ZNF680: variants seen among roughly 807,000 people sequenced by gnomAD.
ZNF680 encodes the protein zinc finger protein 680.
A neutral mutation model predicts 12.1 loss-of-function variants in ZNF680; 6 were observed. That is an observed-to-expected ratio of 0.49 (90% CI 0.27 to 0.98). The LOEUF (loss-of-function observed/expected upper bound fraction) is 0.98. ZNF680 is among the 50% of genes least tolerant of loss of function. The pLI is 0.12. For synonymous variants in ZNF680, 170 were observed against 199.3 expected, an observed-to-expected ratio of 0.85 and a Z score of 1.24; for missense variants, 561 against 616.3, an observed-to-expected ratio of 0.91 and a Z score of 0.95.
chr7:64,525,408 A>G (rs1425394033), intron 3 of ZNF680: 3 of 152,176 alleles, frequency 2.0e-5, no homozygotes, highest in Non-Finnish European at 2.9e-5. Flanking sequence ...AAAATATTCT[A>G]ACAACTATAA....
At chr7:64,548,164 C>T (rs1235015236) in intron 1 of ZNF680, among the ~76,000 whole-genome samples, 6 of 152,182 alleles carry the variant, frequency 3.9e-5, no homozygotes, top group Admixed American at 2.6e-4. Context: ...TAGCCACTGC[C>T]ATGTCAATTT....
At chr7:64,519,746 A>G (rs377277761), downstream of ZNF680, 1 of 151,832 alleles carries the variant, frequency 6.6e-6, no homozygotes, top group Non-Finnish European at 1.5e-5. Flanking sequence ...AGTTGAAATA[A>G]GCCAGGCACA....
downstream of ZNF680, among the ~76,000 whole-genome samples, chr7:64,515,819 C>G: frequency 7.0e-6 from 1 of 142,884 alleles, no homozygotes; most frequent in African/African-American, 2.5e-5. Context: ...CTCCAGTGGG[C>G]ACTCACCTTT....
chr7:64,534,487 A>G (rs1786052886), intron 3 of ZNF680, among the ~76,000 whole-genome samples: 2 of 152,180 alleles, frequency 1.3e-5, no homozygotes, highest in South Asian at 4.1e-4. Flanking sequence ...TGCAAGAATG[A>G]TCATATCAAA....
chr7:64,533,264 A>G (rs1005658683), intron 3 of ZNF680, among the ~76,000 whole-genome samples: 1 of 152,000 alleles, frequency 6.6e-6, no homozygotes, highest in African/African-American at 2.4e-5. Context: ...TATCTTGAAA[A>G]CCCCAAAGAC....
chr7:64,526,033 A>T lies in ZNF680; in HGVS notation c.254-3533T>A, dbSNP rs1791824640. ...TACTGGCATACTCAATTATAATATAAACTAAAAAACCAAAACAATTAACTC... is the reference window on the plus strand; with the variant it reads ...TACTGGCATACTCAATTATAATATATACTAAAAAACCAAAACAATTAACTC... On this transcript the variant is annotated intron_variant, in intron 3 of 3. Coordinates refer to ENST00000309683, the MANE Select transcript of ZNF680 (RefSeq NM_178558.5). 6.1e-6 allele frequency: 6 copies of T among 981,190 alleles called. No individual in the cohort carries two copies. The South Asian group carries it at 2.4e-4, about 39-fold the overall frequency. 60.8% of individuals were successfully genotyped at this position (981,190 alleles called of 1,614,324 possible). A position where few individuals can be genotyped will look rare whatever the true frequency, so the allele number is the denominator to read the frequency against.
At chr7:64,553,833 C>A (rs1300354458) in intron 1 of ZNF680, among the ~76,000 whole-genome samples, 6 of 152,312 alleles carry the variant, frequency 3.9e-5, no homozygotes, top group African/African-American at 1.4e-4. Context: ...GTGATCTGCC[C>A]GCCACGGCCT....
At chr7:64,536,162 T>C (rs900073620) in intron 3 of ZNF680, among the ~76,000 whole-genome samples, 2 of 152,212 alleles carry the variant, frequency 1.3e-5, no homozygotes, top group Middle Eastern at 3.4e-3. Context: ...ACATAATAAT[T>C]GTAGATATCA....
chr7:64,521,230 A>T lies in ZNF680; in HGVS notation c.1524T>A (p.His508Gln). The change falls in exon 4 of 4, where the codon CAT becomes CAA. Residue 508 changes from histidine (H) to glutamine (Q), a missense_variant. Transcript: ENST00000309683. Reference sequence around the variant, plus strand: ...GTTTCTCACCAGTATGAATTTTCTTATGTCTAGTAAGGTGTGAGGACCGGT... The same window carrying T: ...GTTTCTCACCAGTATGAATTTTCTTTTGTCTAGTAAGGTGTGAGGACCGGT... Reference protein sequence around the residue: ...AFNRSSHLTRHKKIHTGEKLY... With the variant: ...AFNRSSHLTRQKKIHTGEKLY... The T allele has an allele frequency of 6.2e-7, 1 of 1,613,438 alleles. No individual in the cohort carries two copies.
chr7:64,563,007 C>T lies in ZNF680; in HGVS notation c.-53G>A, dbSNP rs557614540. On this transcript the variant is annotated 5_prime_UTR_variant, in exon 1 of 4. Transcript: ENST00000309683. ...AGATAACGGAGTCACAGAGGCTGGGCCTCTAGGAGCAGAATACACAGAGCA... is the reference window on the plus strand; with the variant it reads ...AGATAACGGAGTCACAGAGGCTGGGTCTCTAGGAGCAGAATACACAGAGCA... 1.2e-6 allele frequency: 2 copies of T among 1,603,930 alleles called. No homozygotes were observed. The highest frequency in any genetic ancestry group is 1.7e-6 in the Non-Finnish European group (2 of 1,171,458).
chr7:64,551,829 C>G (rs371306061), intron 1 of ZNF680: 2 of 152,248 alleles, frequency 1.3e-5, no homozygotes, highest in African/African-American at 4.8e-5. Flanking sequence ...AGAAAAAACT[C>G]AGATTACATG....
At chr7:64,526,382 C>G in intron 3 of ZNF680, 1 of 1,406,696 alleles carries the variant, frequency 7.1e-7, no homozygotes, top group East Asian at 2.8e-5. Context: ...ATGACTAGCA[C>G]AGTTCTACAT....
chr7:64,553,649 T>G (rs1410933012), intron 1 of ZNF680, among the ~76,000 whole-genome samples: 2 of 152,236 alleles, frequency 1.3e-5, no homozygotes, highest in African/African-American at 4.8e-5. Context: ...GAGGCTGGAC[T>G]GTACTGCCGC....
chr7:64,511,579 A>AAAAC, the ZNF680 span, among the ~76,000 whole-genome samples: 1,870 of 151,958 alleles, frequency 0.012, 34 homozygotes, highest in African/African-American at 0.042. Flanking sequence ...AATCTTCAGT[A>AAAAC]AAACAAACAA....
At chr7:64,559,225 T>G (rs1053082738) in intron 1 of ZNF680, among the ~76,000 whole-genome samples, 1 of 152,192 alleles carries the variant, frequency 6.6e-6, no homozygotes, top group Admixed American at 6.5e-5. Flanking sequence ...GCATAGTGAG[T>G]TCAGGGTCCC....
chr7:64,522,841 CAAGAA>C (rs1341228714), intron 3 of ZNF680, among the ~76,000 whole-genome samples: 1 of 149,552 alleles, frequency 6.7e-6, no homozygotes, highest in Admixed American at 6.7e-5. Context: ...ATTTTGCAGG[CAAGAA>C]AAGAAGTGTG....
intron 3 of ZNF680, among the ~76,000 whole-genome samples, chr7:64,522,880 A>T (rs1382852195): frequency 6.6e-6 from 1 of 152,006 alleles, no homozygotes; most frequent in Non-Finnish European, 1.5e-5. Flanking sequence ...GTCATGAAAA[A>T]AATAGATATC....
chr7:64,545,618 G>C (rs1786749193), intron 1 of ZNF680, among the ~76,000 whole-genome samples: 1 of 152,118 alleles, frequency 6.6e-6, no homozygotes, highest in Admixed American at 6.5e-5. Flanking sequence ...TAACCATAAA[G>C]AAACATCAAT....
Position 64,521,953 on chromosome 7 carries a change from T to A in ZNF680, c.801A>T (p.Lys267Asn). 1 of 1,612,864 alleles carries A rather than the reference T, an allele frequency of 6.2e-7. No individual in the cohort carries two copies. The highest frequency in any genetic ancestry group is 8.5e-7 in the Non-Finnish European group (1 of 1,179,514). The part of the protein sequence containing the change: ...KKIHIEEKPF[K>N]CEECGKAFSL... ...TAAAGGCTTTGCCACATTCTTCACA[T>A]TTGAAGGGTTTCTCTTCAATATGAA... The change falls in exon 4 of 4, where the codon AAA (lysine) becomes AAT (asparagine). Residue 267 changes from lysine (K) to asparagine (N), a missense_variant. By Grantham distance (94) the Lys-to-Asn change is moderately conservative (BLOSUM62 0). Coordinates refer to ENST00000309683, the MANE Select transcript of ZNF680 (RefSeq NM_178558.5).
Sources: allele counts gnomAD v4.1 joint callset (sites outside exome capture counted in the v4.1 genomes callset), GRCh38; gene constraint gnomAD v4.1.1; transcripts MANE v1.5; gene names NCBI Gene and HGNC (gene_info 2026-07-23, HGNC 2026-07-21).